The following ATG9B variants were observed in gnomAD, a reference collection of about 807,000 sequenced individuals.
ATG9B encodes autophagy related 9B, also known as autophagy-related protein 9B.
In ATG9B, 92 loss-of-function variants were observed where a neutral mutation model predicts 92.9. The ratio of observed to expected loss-of-function variants is 0.99; its 90% confidence interval spans 0.84 to 1.18. The LOEUF (loss-of-function observed/expected upper bound fraction) is 1.18. ATG9B is among the 50% of genes most tolerant of loss of function. The pLI, the probability that ATG9B is intolerant of heterozygous loss-of-function variation, is 0.00. For synonymous variants in ATG9B, 599 were observed against 551.4 expected (o/e 1.09, Z -1.21); for missense variants, 1,344 against 1,235.0 (o/e 1.09, Z -1.32).
chr7:151,018,788 G>C lies in ATG9B; in HGVS notation c.1550C>G (p.Ala517Gly), dbSNP rs1337138169. ...YRPAAAFLRTAAPPAPLRTLL... is the reference protein window; with the variant it reads ...YRPAAAFLRTGAPPAPLRTLL... ...CGTGCGCAGGGGCGCGGGGGGCGCAGCGGTGCGCAGGAAGGCGGCGGCGGG... is the reference window on the plus strand; with the variant it reads ...CGTGCGCAGGGGCGCGGGGGGCGCACCGGTGCGCAGGAAGGCGGCGGCGGG... Residue 517 changes from alanine (A) to glycine (G), a missense_variant, in exon 6 of 14, where the codon GCT becomes GGT. Ala to Gly is a moderately conservative substitution (Grantham distance 60). Transcript: ENST00000639579. The surrounding 1 kb of genome is among the most constrained non-coding windows in gnomAD (Gnocchi z 4.7). The C allele has an allele frequency of 1.0e-5, 14 of 1,377,838 alleles. No individual in the cohort carries two copies. Among genetic ancestry groups the C allele is most frequent in the Non-Finnish European group, 1.2e-5 (13 of 1,069,078 alleles). The allele number at this position is 1,377,838 out of a possible 1,614,324, so 85.4% of individuals were successfully genotyped here. A position where few individuals can be genotyped will look rare whatever the true frequency, so the allele number is the denominator to read the frequency against.
At chr7:151,020,929 T>C in intron 5 of ATG9B, 1 of 377,022 alleles carries the variant, frequency 2.7e-6, no homozygotes, top group Admixed American at 4.3e-5. Flanking sequence ...TCAATGTTTT[T>C]AGCACAAACA....
At chr7:151,013,356 T>A, downstream of ATG9B, 1 of 1,613,500 alleles carries the variant, frequency 6.2e-7, no homozygotes, top group Non-Finnish European at 8.5e-7. Flanking sequence ...CACCGCCTTC[T>A]CCCGGGAACC....
intron 5 of ATG9B, chr7:151,020,412 C>T (rs914112907): frequency 3.3e-5 from 5 of 152,718 alleles, no homozygotes; most frequent in Admixed American, 2.6e-4. Flanking sequence ...AGCAGTCTCC[C>T]GCCAGAGCCA....
chr7:151,012,660 C>T (rs1303582959), downstream of ATG9B: 4 of 591,492 alleles, frequency 6.8e-6, no homozygotes, highest in Admixed American at 3.0e-5. Context: ...CTTCTGGCTT[C>T]CTGGTGCCTG....
chr7:151,018,113 C>G lies in ATG9B; in HGVS notation c.1873-63G>C. 6.0e-6 allele frequency: 9 copies of G among 1,502,518 alleles called. No homozygotes were observed. In the South Asian group the frequency reaches 1.2e-4, roughly 20 times the overall value. The allele number at this position is 1,502,518 out of a possible 1,614,324, so 93.1% of individuals were successfully genotyped here. A position where few individuals can be genotyped will look rare whatever the true frequency, so the allele number is the denominator to read the frequency against. On this transcript the variant is annotated intron_variant, in intron 7 of 13. Coordinates refer to ENST00000639579, the MANE Select transcript of ATG9B (RefSeq NM_001317056.2). This position sits in a 1 kb window ranked among gnomAD's most constrained non-coding sequence, Gnocchi z 4.7. ...AGGGGCCCACGCGCGTTATCAGGAC[C>G]AAGCAGTCCCCAGCGACCCTCGCCA...
chr7:151,021,645 G>A (rs974483455), intron 4 of ATG9B, among the ~76,000 whole-genome samples: 8 of 150,478 alleles, frequency 5.3e-5, no homozygotes, highest in Non-Finnish European at 7.4e-5. Context: ...ATGTGTGCTT[G>A]TACACTCTTT....
downstream of ATG9B, chr7:151,012,235 T>A (rs113827615): frequency 1.6e-3 from 1,473 of 934,564 alleles, 12 homozygotes; most frequent in African/African-American, 0.021. Context: ...GTTTTTTTTT[T>A]AATTTTTTTT....
chr7:151,014,181 C>T (rs773809579), downstream of ATG9B: 1 of 1,591,096 alleles, frequency 6.3e-7, no homozygotes, highest in Middle Eastern at 1.7e-4. Flanking sequence ...AGCCGCCTGG[C>T]TTTCCCTTCC....
chr7:151,017,724 AGGG>A (rs1795559801), intron 8 of ATG9B, 144 bp downstream of exon 8: 1 of 999,666 alleles, frequency 1.0e-6, no homozygotes, highest in Non-Finnish European at 1.4e-6. Context: ...CTGACAGACG[AGGG>A]CACGAGAGCA....
In ATG9B at chr7:151,023,782, G is replaced by A. The variant is rs758633083; in HGVS notation, c.551-52C>T. ...CCCTGGCATGTGATCAATTCTCCACGTTCTCAACCCGCTGCCAGAGGCCCA... is the reference window on the plus strand; with the variant it reads ...CCCTGGCATGTGATCAATTCTCCACATTCTCAACCCGCTGCCAGAGGCCCA... On this transcript the variant is annotated intron_variant, in intron 1 of 13. Transcript: ENST00000639579. The A allele has an allele frequency of 4.0e-5, 65 of 1,612,942 alleles. No individual in the cohort carries two copies. In the African/African-American group the frequency reaches 6.8e-4, roughly 17 times the overall value.
Position 151,018,607 on chromosome 7 carries a change from T to C in ATG9B, c.1718+13A>G. ...CCAACACACACCACCACCCCGGGCA[T>C]CTGCCGTCGCACCTGGCGACGGTGG... On this transcript the variant is annotated intron_variant, in intron 6 of 13. Transcript: ENST00000639579. The surrounding 1 kb of genome is among the most constrained non-coding windows in gnomAD (Gnocchi z 4.7). 6.3e-7 allele frequency: 1 copy of C among 1,594,492 alleles called. No individual in the cohort carries two copies. The highest frequency in any genetic ancestry group is 8.5e-7 in the Non-Finnish European group (1 of 1,174,962).
Position 151,024,402 on chromosome 7 carries a change from C to G in ATG9B, c.22G>C (p.Gly8Arg), listed in dbSNP as rs191759925. The change falls in exon 1 of 14, where the codon GGG (glycine) becomes CGG (arginine). Residue 8 changes from glycine to arginine, a missense_variant. Coordinates refer to ENST00000639579, the MANE Select transcript of ATG9B (RefSeq NM_001317056.2). ...CGCCCCAGCCGCCTTCTTCTCCCCC[C>G]CCAGCCCATTCGGCTCACCATCAGG... MVSRMGW[G>R]GRRRRLGRWG... The G allele has an allele frequency of 1.4e-3, 1,871 of 1,376,226 alleles. 13 individuals carry two copies. In the African/African-American group the frequency reaches 0.02, roughly 15 times the overall value. The allele number at this position is 1,376,226 out of a possible 1,614,324, so 85.3% of individuals were successfully genotyped here. A position where few individuals can be genotyped will look rare whatever the true frequency, so the allele number is the denominator to read the frequency against.
At chr7:151,022,709 G>A (rs1211595301) in intron 4 of ATG9B, among the ~76,000 whole-genome samples, 1 of 151,772 alleles carries the variant, frequency 6.6e-6, no homozygotes, top group Non-Finnish European at 1.5e-5. Context: ...GGTGGTGCAC[G>A]CCTATAATCC....
At chr7:151,013,693 CAG>C, downstream of ATG9B, 2 of 1,525,690 alleles carry the variant, frequency 1.3e-6, no homozygotes, top group Non-Finnish European at 1.8e-6. Context: ...CCACCCCCAC[CAG>C]GGCCCGCCCT....
At chr7:151,013,470 T>G, downstream of ATG9B, 1 of 1,450,100 alleles carries the variant, frequency 6.9e-7, no homozygotes, top group Non-Finnish European at 9.3e-7. Flanking sequence ...ACCACGGCCC[T>G]CCCGTGGCCT....
In ATG9B at chr7:151,015,788, A is replaced by G. The variant is rs1302562304; in HGVS notation, c.*15-75T>C. On this transcript the variant is annotated intron_variant, in intron 13 of 13. Transcript: ENST00000639579. ...GAGATGACCACCTCCCATCACCCCA[A>G]ATTCCCACCACTGCTCCCATCGCTT... 21 of 1,436,220 alleles carry G rather than the reference A, an allele frequency of 1.5e-5. No individual in the cohort carries two copies. The East Asian group carries it at 2.8e-4, about 19-fold the overall frequency. 89.0% of individuals were successfully genotyped at this position (1,436,220 alleles called of 1,614,324 possible).
In ATG9B at chr7:151,017,988, G is replaced by A. The variant is rs559194133; in HGVS notation, c.1935C>T (p.Phe645=). ...LLTPLFLLFW[F]RPRALEIIDF... ...CGATAATCTCCAGGGCACGAGGGCG[G>A]AACCAGAAAAGCAGAAACAGCGGGG... Residue 645 remains phenylalanine (F), a synonymous_variant, in exon 8 of 14, where the codon TTC becomes TTT. Transcript: ENST00000639579. The A allele has an allele frequency of 1.6e-4, 257 of 1,605,316 alleles. 1 individual carries two copies. The South Asian group carries it at 2.1e-3, about 13-fold the overall frequency.
chr7:151,023,424 G>T, intron 3 of ATG9B, 21 bp downstream of exon 3: 1 of 1,612,404 alleles, frequency 6.2e-7, no homozygotes, highest in Non-Finnish European at 8.5e-7. Context: ...CCGAGTTCCG[G>T]GCCCGGGCTA....
intron 3 of ATG9B, 24 bp from the exon 4 acceptor site, chr7:151,023,230 C>T (rs754441221): frequency 6.8e-6 from 11 of 1,613,738 alleles, no homozygotes; most frequent in South Asian, 1.1e-5. Flanking sequence ...GGGGGGGTGC[C>T]GGGATGCTGC....
Sources: allele counts gnomAD v4.1 joint callset (sites outside exome capture counted in the v4.1 genomes callset), GRCh38; gene constraint gnomAD v4.1.1; non-coding constraint Gnocchi (gnomAD v3.1); transcripts MANE v1.5; gene names NCBI Gene and HGNC (gene_info 2026-07-23, HGNC 2026-07-21).